The following CRYZL1 variants were observed in gnomAD, a reference collection of about 807,000 sequenced individuals.
CRYZL1 encodes ferry endosomal RAB5 effector complex subunit 4.
Under a neutral mutation model 50.6 loss-of-function variants are expected in CRYZL1, and 34 were observed. The ratio of observed to expected loss-of-function variants is 0.67; its 90% CI spans 0.51 to 0.89. The LOEUF (loss-of-function observed/expected upper bound fraction) is 0.89. Ranked by LOEUF, CRYZL1 falls within the 40% of genes least tolerant of loss-of-function variation. CRYZL1 has a pLI of 0.00. For missense variants in CRYZL1, 354 were observed against 402.3 expected (o/e 0.88, Z 1.03); for synonymous variants, 125 against 134.3 (o/e 0.93, Z 0.48).
At chr21:33,605,897 C>T (rs2086808874) in intron 6 of CRYZL1, among the ~76,000 whole-genome samples, 1 of 152,038 alleles carries the variant, frequency 6.6e-6, no homozygotes, top group Non-Finnish European at 1.5e-5. Context: ...CTTTGAAATG[C>T]TTCCTCTAGT....
At chr21:33,641,064 T>G in intron 1 of CRYZL1, 1 of 1,466,374 alleles carries the variant, frequency 6.8e-7, no homozygotes, top group Non-Finnish European at 9.0e-7. Context: ...ATATTTGTAC[T>G]GGACAGAGTT....
chr21:33,638,254 C>T (rs573350829), intron 1 of CRYZL1, among the ~76,000 whole-genome samples: 1 of 149,828 alleles, frequency 6.7e-6, no homozygotes, highest in Non-Finnish European at 1.5e-5. Context: ...GCTCTGTCAC[C>T]CAGGCTGGAG....
At chr21:33,638,048 CTG>C (rs1205550276) in intron 1 of CRYZL1, among the ~76,000 whole-genome samples, 1 of 151,932 alleles carries the variant, frequency 6.6e-6, no homozygotes. Context: ...TCACATTAAT[CTG>C]TGAGACTTTT....
chr21:33,619,938 A>T (rs2145945528), intron 4 of CRYZL1, among the ~76,000 whole-genome samples: 1 of 152,278 alleles, frequency 6.6e-6, no homozygotes, highest in Non-Finnish European at 1.5e-5. Flanking sequence ...AGGTTAAGCA[A>T]CTTTCTTCCA....
Position 33,600,840 on chromosome 21 carries a change from T to G in CRYZL1, c.577+1394A>C, listed in dbSNP as rs1330831582. Among the ~76,000 whole-genome samples, 8 of 150,758 alleles carry G rather than the reference T, an allele frequency of 5.3e-5. No individual in the cohort carries two copies. The South Asian group carries it at 8.4e-4, about 16-fold the overall frequency. ...AGACAGGTTTCACCATGTTAGCCAG[T>G]ATGGTCTCCATCTCTGGACCTCATG... On this transcript the variant is annotated intron_variant, in intron 8 of 12. Coordinates refer to ENST00000381554, the MANE Select transcript of CRYZL1 (RefSeq NM_145858.3).
chr21:33,624,892 C>T (rs1263055695), intron 2 of CRYZL1, 132 bp from the exon 3 acceptor site: 28 of 1,226,310 alleles, frequency 2.3e-5, no homozygotes, highest in Non-Finnish European at 2.8e-5. Flanking sequence ...CTAATTTTAA[C>T]AACTATAAGT....
chr21:33,611,699 T>C (rs190789546), intron 6 of CRYZL1, among the ~76,000 whole-genome samples: 4 of 152,270 alleles, frequency 2.6e-5, no homozygotes, highest in African/African-American at 9.6e-5. Context: ...ATGAAGAACA[T>C]AATGAATTCC....
intron 6 of CRYZL1, among the ~76,000 whole-genome samples, chr21:33,605,703 T>A (rs965339944): frequency 6.6e-6 from 1 of 151,486 alleles, no homozygotes; most frequent in South Asian, 2.1e-4. Context: ...TGTATTTTTT[T>A]AGTAGAGACG....
chr21:33,602,635 C>T (rs2086768759), intron 7 of CRYZL1, among the ~76,000 whole-genome samples: 1 of 152,128 alleles, frequency 6.6e-6, no homozygotes, highest in Non-Finnish European at 1.5e-5. Context: ...AGACACATGG[C>T]CTTGCAAAGA....
intron 1 of CRYZL1, among the ~76,000 whole-genome samples, chr21:33,639,343 C>T (rs1390169520): frequency 1.3e-5 from 2 of 152,146 alleles, no homozygotes; most frequent in Admixed American, 1.3e-4. Context: ...ATAATATGAT[C>T]CAGAACAACA....
Position 33,614,866 on chromosome 21 carries a change from A to T in CRYZL1, c.263-1260T>A, listed in dbSNP as rs373324480. ...ATTACAGGTGTGAGCCACTACACCC[A>T]GCCAGAGTATGTTTCTAATAAAATC... is the stretch of plus-strand genomic sequence containing the variant. On this transcript the variant is annotated intron_variant, in intron 5 of 12. Coordinates refer to ENST00000381554, the MANE Select transcript of CRYZL1 (RefSeq NM_145858.3). Among the ~76,000 whole-genome samples, 27 of 152,174 alleles carry T rather than the reference A, an allele frequency of 1.8e-4. No individual in the cohort carries two copies. In the South Asian group the frequency reaches 5.2e-3, roughly 29 times the overall value.
At chr21:33,618,708 C>T (rs1366775709) in intron 4 of CRYZL1, among the ~76,000 whole-genome samples, 2 of 152,100 alleles carry the variant, frequency 1.3e-5, no homozygotes, top group East Asian at 1.9e-4. Context: ...TTCTTTGGCT[C>T]CCTCCTGTGC....
chr21:33,612,827 A>T (rs1232621941), intron 6 of CRYZL1, among the ~76,000 whole-genome samples: 1 of 152,016 alleles, frequency 6.6e-6, no homozygotes, highest in Non-Finnish European at 1.5e-5. Flanking sequence ...GAAACCAAAG[A>T]TAAGTGCTCT....
rs767147246 is a variant in CRYZL1, at chr21:33,597,300, T to C, written c.778A>G (p.Thr260Ala). 1 of 1,613,766 alleles carries C rather than the reference T, an allele frequency of 6.2e-7. No individual in the cohort carries two copies. The highest frequency in any genetic ancestry group is 1.7e-5 in the Admixed American group (1 of 60,020). The change falls in exon 10 of 13, where the codon ACA becomes GCA. Residue 260 changes from threonine to alanine, a missense_variant. Coordinates refer to ENST00000381554, the MANE Select transcript of CRYZL1 (RefSeq NM_145858.3). ...AGTACCTGAAGGTTTTCTTCTGTTG[T>C]TACCCAGTGGCCTCCAACACCAAGA... is the stretch of plus-strand genomic sequence containing the variant. ...TLLGVGGHWV[T>A]TEENLQLDPP...
chr21:33,593,509 A>G (rs1217788331), intron 11 of CRYZL1, among the ~76,000 whole-genome samples: 1 of 152,228 alleles, frequency 6.6e-6, no homozygotes, highest in African/African-American at 2.4e-5. Context: ...CTGTGTGCAA[A>G]GCATGTATTT....
At chr21:33,596,510 C>T (rs996841607) in intron 10 of CRYZL1, among the ~76,000 whole-genome samples, 8 of 151,846 alleles carry the variant, frequency 5.3e-5, no homozygotes, top group Non-Finnish European at 1.0e-4. Flanking sequence ...TGGTGGCGGG[C>T]GCCTGTAATC....
intron 8 of CRYZL1, among the ~76,000 whole-genome samples, chr21:33,599,925 C>T (rs80143616): frequency 1.3e-5 from 2 of 151,932 alleles, no homozygotes; most frequent in Non-Finnish European, 2.9e-5. Flanking sequence ...TGAGCCACCA[C>T]CCCCAGCTAG....
chr21:33,613,486 T>C lies in CRYZL1; in HGVS notation c.331+52A>G, dbSNP rs1007128647. 3 of 1,154,306 alleles carry C rather than the reference T, an allele frequency of 2.6e-6. No homozygotes were observed. In the African/African-American group the frequency reaches 4.6e-5, roughly 18 times the overall value. The allele number at this position is 1,154,306 out of a possible 1,614,324, so 71.5% of individuals were successfully genotyped here. On this transcript the variant is annotated intron_variant, in intron 6 of 12. Transcript: ENST00000381554. ...AAAATTAAAATGTTATTAAACCATATGTCAGTGAAGTAAGACTTATGTGAG... is the reference window on the plus strand; with the variant it reads ...AAAATTAAAATGTTATTAAACCATACGTCAGTGAAGTAAGACTTATGTGAG...
chr21:33,599,396 A>G (rs765488111), intron 8 of CRYZL1, 148 bp from the exon 9 acceptor site: 7 of 1,096,174 alleles, frequency 6.4e-6, no homozygotes, highest in Admixed American at 6.2e-5. Flanking sequence ...AAAGGGAGAA[A>G]GTCAATTTAA....
Sources: allele counts gnomAD v4.1 joint callset (sites outside exome capture counted in the v4.1 genomes callset), GRCh38; gene constraint gnomAD v4.1.1; transcripts MANE v1.5; gene names NCBI Gene and HGNC (gene_info 2026-07-23, HGNC 2026-07-21).